Variants in CHODL observed in about 807,000 individuals in gnomAD.
CHODL encodes the protein transmembrane protein MT75.
CHODL carries 29 observed loss-of-function variants against 34.5 expected under a neutral mutation model. The observed-to-expected ratio is 0.84, with a 90% CI of 0.63 to 1.15. The LOEUF (loss-of-function observed/expected upper bound fraction) is 1.15. Among genes scored for constraint, CHODL ranks in the 50% most tolerant of loss-of-function variants. CHODL has a pLI of 0.00. For synonymous variants in CHODL, 125 were observed against 116.1 expected, an observed-to-expected ratio of 1.08 and a Z score of -0.49; for missense variants, 332 against 332.5, an observed-to-expected ratio of 1.00 and a Z score of 0.01.
chr21:17,920,222 T>A lies in CHODL; in HGVS notation c.-145+2822T>A, dbSNP rs150841442. Among the ~76,000 whole-genome samples, 1,200 of 152,282 alleles carry A rather than the reference T, an allele frequency of 7.9e-3. 16 individuals carry two copies. Among genetic ancestry groups the A allele is most frequent in the African/African-American group, 0.027 (1,112 of 41,552 alleles). On this transcript the variant is annotated intron_variant, in intron 1 of 6. Coordinates refer to the CHODL transcript ENST00000400127. ...GCACCCCACTTTACTGGTACCAATTTACTGTATTATTCAGTTTTCATGCTT... is the reference window on the plus strand; with the variant it reads ...GCACCCCACTTTACTGGTACCAATTAACTGTATTATTCAGTTTTCATGCTT...
intron 1 of CHODL, among the ~76,000 whole-genome samples, chr21:17,927,124 GTATA>G (rs201448751): frequency 5.2e-4 from 60 of 114,626 alleles, no homozygotes; most frequent in African/African-American, 2.2e-3. Context: ...ATGTATATAT[GTATA>G]TATATGTATA....
chr21:17,965,406 A>G (rs2063563910), intron 1 of CHODL, among the ~76,000 whole-genome samples: 1 of 152,004 alleles, frequency 6.6e-6, no homozygotes, highest in Non-Finnish European at 1.5e-5. Flanking sequence ...CTATTTCACC[A>G]TTAGTGCTTT....
At chr21:18,097,923 A>G (rs1034334489) in intron 2 of CHODL, among the ~76,000 whole-genome samples, 28 of 152,160 alleles carry the variant, frequency 1.8e-4, no homozygotes, top group Non-Finnish European at 2.9e-4. Flanking sequence ...ACACACCTGC[A>G]GTAAATTAAT....
At chr21:18,076,297 C>G (rs2064865639) in intron 2 of CHODL, among the ~76,000 whole-genome samples, 1 of 152,072 alleles carries the variant, frequency 6.6e-6, no homozygotes, top group Non-Finnish European at 1.5e-5. Flanking sequence ...GATGAGATCT[C>G]AAATGGAAAT....
intron 1 of CHODL, among the ~76,000 whole-genome samples, chr21:18,015,656 C>T (rs1302488503): frequency 2.0e-5 from 3 of 152,106 alleles, no homozygotes; most frequent in Non-Finnish European, 4.4e-5. Context: ...CCTGGAGACT[C>T]ATTGAATGGT....
chr21:18,028,241 C>CTT (rs1233492279), intron 2 of CHODL, among the ~76,000 whole-genome samples: 1,182 of 116,512 alleles, frequency 0.01, 77 homozygotes, highest in African/African-American at 0.023. Flanking sequence ...TCCCCTTCCC[C>CTT]TTCCCCTTTT....
At chr21:18,013,631 G>A (rs1490840286) in intron 1 of CHODL, among the ~76,000 whole-genome samples, 1 of 44,140 alleles carries the variant, frequency 2.3e-5, no homozygotes, top group Non-Finnish European at 4.6e-5. Flanking sequence ...TTCTGCTGCT[G>A]CTGCTTTTTT....
chr21:18,089,732 G>C (rs1418154101), intron 2 of CHODL, among the ~76,000 whole-genome samples: 1 of 151,834 alleles, frequency 6.6e-6, no homozygotes, highest in Non-Finnish European at 1.5e-5. Context: ...TGACAATAAA[G>C]AAATAAAAAG....
chr21:18,043,829 C>G (rs1275875808), intron 2 of CHODL, among the ~76,000 whole-genome samples: 1 of 151,904 alleles, frequency 6.6e-6, no homozygotes, highest in Admixed American at 6.6e-5. Flanking sequence ...GCCTTACAAT[C>G]TTGGCGGAAG....
At chr21:18,081,253 A>G (rs995184295) in intron 2 of CHODL, among the ~76,000 whole-genome samples, 1 of 152,186 alleles carries the variant, frequency 6.6e-6, no homozygotes, top group Admixed American at 6.5e-5. Flanking sequence ...AGATGTTACT[A>G]GATATAAGAT....
chr21:17,948,005 C>T (rs2063425987), intron 1 of CHODL, among the ~76,000 whole-genome samples: 1 of 152,082 alleles, frequency 6.6e-6, no homozygotes, highest in South Asian at 2.1e-4. Flanking sequence ...TTTACAGCAA[C>T]ATGGATGAAA....
At chr21:18,145,962 TTTG>T (rs757189150) in intron 2 of CHODL, among the ~76,000 whole-genome samples, 10 of 143,996 alleles carry the variant, frequency 6.9e-5, no homozygotes, top group Non-Finnish European at 1.4e-4. Flanking sequence ...GGTTTTGTTT[TTTG>T]TTGTTGTTGT....
intron 2 of CHODL, among the ~76,000 whole-genome samples, chr21:18,100,688 A>G (rs2065202263): frequency 2.6e-5 from 4 of 152,160 alleles, no homozygotes; most frequent in Admixed American, 2.0e-4. Context: ...TTGTGCATGT[A>G]TTGATTTGAT....
At chr21:18,145,373 C>G (rs937323636) in intron 2 of CHODL, among the ~76,000 whole-genome samples, 1 of 135,612 alleles carries the variant, frequency 7.4e-6, no homozygotes. Context: ...GGAGGCGGAG[C>G]TGGCAGTGAG....
chr21:17,962,214 A>G (rs1417639506), intron 1 of CHODL, among the ~76,000 whole-genome samples: 1 of 152,216 alleles, frequency 6.6e-6, no homozygotes, highest in Non-Finnish European at 1.5e-5. Context: ...CCTCTTAAAG[A>G]TGTAACCTAA....
At chr21:18,081,699 A>G (rs1183639391) in intron 2 of CHODL, among the ~76,000 whole-genome samples, 1 of 151,082 alleles carries the variant, frequency 6.6e-6, no homozygotes, top group Non-Finnish European at 1.5e-5. Context: ...AAAAAAAAAA[A>G]AAGAGGGTGA....
In CHODL at chr21:18,150,858, G is replaced by C. The variant is rs564723113; in HGVS notation, c.-44-105651G>C. ...CCCAGCACTTTGGGAGGCCGAGGCG[G>C]GTGGATCATGAGGTCAGGAGTTCAA... is the stretch of plus-strand genomic sequence containing the variant. On this transcript the variant is annotated intron_variant, in intron 2 of 6. Transcript: ENST00000400127. Among the ~76,000 whole-genome samples the C allele has an allele frequency of 2.0e-5, 3 of 152,084 alleles. No individual in the cohort carries two copies. In the East Asian group the frequency reaches 5.8e-4, roughly 30 times the overall value.
intron 2 of CHODL, among the ~76,000 whole-genome samples, chr21:18,200,516 A>G (rs913766993): frequency 6.6e-6 from 1 of 152,212 alleles, no homozygotes; most frequent in African/African-American, 2.4e-5. Context: ...AGAAGTAATT[A>G]TAAACAAAGA....
At chr21:18,129,088 A>AT (rs148247961) in intron 2 of CHODL, among the ~76,000 whole-genome samples, 3 of 151,938 alleles carry the variant, frequency 2.0e-5, no homozygotes, top group African/African-American at 4.8e-5. Flanking sequence ...ATTTTATTGG[A>AT]TTTTTTTGTC....
Sources: gnomAD v4.1 joint callset for allele counts (sites outside exome capture counted in the v4.1 genomes callset) on GRCh38, gnomAD v4.1.1 for gene constraint, MANE v1.5 for transcripts, NCBI Gene and HGNC (gene_info 2026-07-23, HGNC 2026-07-21) for gene names.